DOCK1: variants seen among roughly 807,000 people sequenced by gnomAD.
DOCK1 encodes dedicator of cytokinesis 1.
A neutral mutation model predicts 262.7 loss-of-function variants in DOCK1; 138 were observed. The ratio of observed to expected loss-of-function variants is 0.53; its 90% CI spans 0.46 to 0.61. The LOEUF is 0.61. Among genes scored for constraint, DOCK1 ranks in the 20% least tolerant of loss-of-function variants. The probability of loss-of-function intolerance (pLI) is 0.00; values close to 1 mark genes in which losing one functional copy is unlikely to be tolerated. For missense variants in DOCK1, 1,908 were observed against 2,370.7 expected, an observed-to-expected ratio of 0.80 and a Z score of 4.05; for synonymous variants, 866 against 867.4, an observed-to-expected ratio of 1.00 and a Z score of 0.03.
At chr10:126,972,205 C>T (rs189288633) in intron 2 of DOCK1, among the ~76,000 whole-genome samples, 71 of 152,264 alleles carry the variant, frequency 4.7e-4, no homozygotes, top group African/African-American at 1.3e-3. Flanking sequence ...CATGAGCCAC[C>T]GTGCCCGTCC....
chr10:127,195,466 A>C (rs1462018990), intron 27 of DOCK1, among the ~76,000 whole-genome samples: 1 of 151,690 alleles, frequency 6.6e-6, no homozygotes, highest in South Asian at 2.1e-4. Context: ...ATCTGCCTTC[A>C]CTGCTGCTCG....
intron 29 of DOCK1, among the ~76,000 whole-genome samples, chr10:127,262,223 T>C (rs1437398154): frequency 4.0e-5 from 6 of 151,528 alleles, no homozygotes; most frequent in Non-Finnish European, 8.8e-5. Flanking sequence ...CGTGTGTGTG[T>C]GTGTGTACCC....
intron 32 of DOCK1, among the ~76,000 whole-genome samples, chr10:127,355,838 G>A (rs1177769006): frequency 1.3e-5 from 2 of 152,198 alleles, no homozygotes; most frequent in East Asian, 1.9e-4. Context: ...AGCGAGCCAC[G>A]CTTCACTTCT....
At chr10:127,346,706 C>T (rs936395603) in intron 31 of DOCK1, among the ~76,000 whole-genome samples, 8 of 152,236 alleles carry the variant, frequency 5.3e-5, no homozygotes, top group East Asian at 3.8e-4. Context: ...TTCAAAGCCA[C>T]GGAAAATTAC....
chr10:127,295,226 A>T lies in DOCK1; in HGVS notation c.3044+37797A>T, dbSNP rs573781671. Reference sequence around the variant, plus strand: ...CATCTGCTCAGCTCTCAGAGGCCTTAGGAAACTTTTACTCCTGGCAGAAGG... The same window carrying T: ...CATCTGCTCAGCTCTCAGAGGCCTTTGGAAACTTTTACTCCTGGCAGAAGG... On this transcript the variant is annotated intron_variant, in intron 29 of 51. Transcript: ENST00000623213. Among the ~76,000 whole-genome samples, 4 of 152,296 alleles carry T rather than the reference A, an allele frequency of 2.6e-5. No homozygotes were observed. The East Asian group carries it at 7.7e-4, about 29-fold the overall frequency.
chr10:127,070,475 A>G (rs1433122516), intron 23 of DOCK1, among the ~76,000 whole-genome samples: 1 of 151,888 alleles, frequency 6.6e-6, no homozygotes, highest in Non-Finnish European at 1.5e-5. Flanking sequence ...GCCGGTCTCG[A>G]ACTCCTGACC....
chr10:126,921,031 TAC>T (rs1337645611), intron 1 of DOCK1, among the ~76,000 whole-genome samples: 1 of 152,076 alleles, frequency 6.6e-6, no homozygotes, highest in African/African-American at 2.4e-5. Context: ...ACCCCGTCTC[TAC>T]TAAAAATACA....
At chr10:127,363,598 A>G (rs150661575) in intron 33 of DOCK1, among the ~76,000 whole-genome samples, 3 of 152,366 alleles carry the variant, frequency 2.0e-5, no homozygotes, top group East Asian at 3.9e-4. Context: ...TCAAAACTTC[A>G]TCAATCAAGA....
chr10:127,206,446 C>CTGTA (rs1270391982), intron 27 of DOCK1, among the ~76,000 whole-genome samples: 1 of 152,168 alleles, frequency 6.6e-6, no homozygotes. Flanking sequence ...GCCCGGCCTA[C>CTGTA]TGTATATTCT....
intron 40 of DOCK1, among the ~76,000 whole-genome samples, chr10:127,406,946 G>A (rs191527633): frequency 2.6e-5 from 4 of 151,826 alleles, no homozygotes; most frequent in Non-Finnish European, 4.4e-5. Context: ...TTGGAAGTGC[G>A]TGGCTTTATA....
intron 3 of DOCK1, among the ~76,000 whole-genome samples, chr10:126,979,898 G>A (rs867049073): frequency 2.0e-5 from 3 of 152,128 alleles, no homozygotes; most frequent in Non-Finnish European, 2.9e-5. Context: ...CAGGCCCAGC[G>A]GAAGTTGCGC....
At chr10:126,910,796 C>T (rs1198900737) in intron 1 of DOCK1, among the ~76,000 whole-genome samples, 1 of 152,150 alleles carries the variant, frequency 6.6e-6, no homozygotes, top group Non-Finnish European at 1.5e-5. Flanking sequence ...ATAATATTGT[C>T]CTTTAAAGAG....
In DOCK1 at chr10:126,985,692, TC is replaced by T. The variant is rs920152544; in HGVS notation, c.228-1826del. Among the ~76,000 whole-genome samples, 122 of 152,244 alleles carry T rather than the reference TC, an allele frequency of 8.0e-4. 1 individual carries two copies. The highest frequency in any genetic ancestry group is 7.9e-3 in the Admixed American group (120 of 15,286). On this transcript the variant is annotated intron_variant, in intron 4 of 51. Transcript: ENST00000623213. ...CATACTGTGAGTGGAAGGAAATTTC[TC>T]CCTGCAGACTTTATAGGGATGACAC... is the stretch of plus-strand genomic sequence containing the variant.
At chr10:127,149,295 C>T (rs922215261) in intron 27 of DOCK1, among the ~76,000 whole-genome samples, 1 of 152,216 alleles carries the variant, frequency 6.6e-6, no homozygotes, top group Non-Finnish European at 1.5e-5. Context: ...CCTAACCTTG[C>T]AGGTACGCGG....
In DOCK1 at chr10:127,245,664, G is replaced by GT. The variant is rs35250938; in HGVS notation, c.2848-2343dup. On this transcript the variant is annotated intron_variant, in intron 27 of 51. Transcript: ENST00000623213. ...CGTGACAGTCTGCTGCCTGAATTCA[G>GT]TATGTCCACGTCACCTGTTCACGTC... is the stretch of plus-strand genomic sequence containing the variant. 7.0e-3 allele frequency among the ~76,000 whole-genome samples: 1,063 copies of GT among 152,322 alleles called. 9 individuals carry two copies. The highest frequency in any genetic ancestry group is 0.013 in the South Asian group (64 of 4,824).
At chr10:127,163,112 C>T (rs1451495519) in intron 27 of DOCK1, among the ~76,000 whole-genome samples, 1 of 152,164 alleles carries the variant, frequency 6.6e-6, no homozygotes, top group African/African-American at 2.4e-5. Flanking sequence ...GCAGACCATG[C>T]CACTGTGGAA....
At chr10:127,206,136 CTTTTTTTTTTTT>C (rs34450374) in intron 27 of DOCK1, among the ~76,000 whole-genome samples, 10 of 78,622 alleles carry the variant, frequency 1.3e-4, no homozygotes, top group Admixed American at 2.1e-4. Flanking sequence ...TTCTTCTTCT[CTTTTTTTTTTTT>C]TTTTTTTTTT....
intron 43 of DOCK1, among the ~76,000 whole-genome samples, chr10:127,411,972 A>T (rs2067879717): frequency 6.6e-6 from 1 of 151,256 alleles, no homozygotes; most frequent in Non-Finnish European, 1.5e-5. Flanking sequence ...TTATTTGTTT[A>T]TTTTTTTTGA....
intron 25 of DOCK1, among the ~76,000 whole-genome samples, chr10:127,111,087 C>G (rs566189194): frequency 6.6e-6 from 1 of 152,262 alleles, no homozygotes; most frequent in East Asian, 1.9e-4. Context: ...TTTCTGTTGT[C>G]CTCATTCTTG....
Sources: allele counts gnomAD v4.1 joint callset (sites outside exome capture counted in the v4.1 genomes callset), GRCh38; gene constraint gnomAD v4.1.1; transcripts MANE v1.5; gene names NCBI Gene and HGNC (gene_info 2026-07-23, HGNC 2026-07-21).